Variants in CP observed in about 807,000 individuals in gnomAD.
The protein encoded by CP is ceruloplasmin, also known as caeruloplasmin.
A neutral mutation model predicts 122.4 loss-of-function variants in CP; 64 were observed. The ratio of observed to expected loss-of-function variants is 0.52; its 90% CI spans 0.43 to 0.64. The LOEUF (loss-of-function observed/expected upper bound fraction) is 0.64, where lower values mean the gene tolerates loss of function less well. Among genes scored for constraint, CP ranks in the 30% least tolerant of loss-of-function variants. CP has a pLI of 0.00. For missense variants in CP, 1,167 were observed against 1,284.4 expected (o/e 0.91, Z 1.40); for synonymous variants, 440 against 436.4 (o/e 1.01, Z -0.10).
chr3:149,177,956 T>G lies in CP; in HGVS notation c.2902A>C (p.Asn968His). The change falls in exon 17 of 19, where the codon AAC becomes CAC. Residue 968 changes from asparagine to histidine, a missense_variant. This residue lies in a region of CP where 525 missense variants were observed against 657.2 expected (regional missense o/e 0.80). Coordinates refer to ENST00000264613, the MANE Select transcript of CP (RefSeq NM_000096.4). Reference sequence around the variant, plus strand: ...ACGTGCATTGTGAGGCCTTGTAGGTTTCCAAACATTCTTCCATTAATAGCT... The same window carrying G: ...ACGTGCATTGTGAGGCCTTGTAGGTGTCCAAACATTCTTCCATTAATAGCT... The part of the protein sequence containing the change: ...MHAINGRMFG[N>H]LQGLTMHVGD... The G allele has an allele frequency of 1.9e-6, 3 of 1,613,646 alleles. No individual in the cohort carries two copies. The East Asian group carries it at 6.7e-5, about 36-fold the overall frequency.
At chr3:149,163,847 T>C (rs1456831339) in intron 5 of CP, 1 of 1,506,488 alleles carries the variant, frequency 6.6e-7, no homozygotes, top group African/African-American at 1.4e-5. Flanking sequence ...TTTAGATAAA[T>C]GCCTGTAGTC....
At position 149,176,430 on chromosome 3, in the gene CP, C is replaced by T. The variant is rs760498635; in HGVS notation, c.3019-18G>A. ...CCCCTGTGCTTAATTAGAAAAATGA[C>T]AAATAATGTATAATATTGTATATGA... On this transcript the variant is annotated intron_variant, in intron 17 of 18. Coordinates refer to ENST00000264613, the MANE Select transcript of CP (RefSeq NM_000096.4). The T allele has an allele frequency of 1.5e-5, 23 of 1,569,530 alleles. No individual in the cohort carries two copies. Among genetic ancestry groups the T allele is most frequent in the Non-Finnish European group, 1.9e-5 (22 of 1,139,726 alleles).
intron 9 of CP, among the ~76,000 whole-genome samples, chr3:149,194,858 AG>A (rs1726794402): frequency 6.6e-6 from 1 of 152,232 alleles, no homozygotes; most frequent in African/African-American, 2.4e-5. Flanking sequence ...AAGCAAAAAT[AG>A]CCATTAAAAT....
At chr3:149,188,998 A>G (rs959155536) in intron 9 of CP, among the ~76,000 whole-genome samples, 1 of 152,230 alleles carries the variant, frequency 6.6e-6, no homozygotes, top group African/African-American at 2.4e-5. Flanking sequence ...AACTGAAACT[A>G]TGATGAAGGG....
At chr3:149,209,682 A>G (rs909649195) in intron 3 of CP, among the ~76,000 whole-genome samples, 1 of 152,188 alleles carries the variant, frequency 6.6e-6, no homozygotes, top group African/African-American at 2.4e-5. Flanking sequence ...TCTGGTGCAT[A>G]TAGCCACAAA....
chr3:149,217,307 A>T (rs1430826804), intron 1 of CP, among the ~76,000 whole-genome samples: 1 of 152,206 alleles, frequency 6.6e-6, no homozygotes, highest in Non-Finnish European at 1.5e-5. Flanking sequence ...TCATTTAAAA[A>T]TTTAAAAATC....
At chr3:149,192,680 C>A (rs1426899388) in intron 9 of CP, among the ~76,000 whole-genome samples, 1 of 150,446 alleles carries the variant, frequency 6.6e-6, no homozygotes, top group Non-Finnish European at 1.5e-5. Flanking sequence ...TACACACACA[C>A]ACATATATAT....
At chr3:149,202,921 T>C (rs1340807009) in intron 6 of CP, among the ~76,000 whole-genome samples, 43 of 148,304 alleles carry the variant, frequency 2.9e-4, no homozygotes, top group Admixed American at 1.5e-3. Flanking sequence ...TTTTTTTTTT[T>C]TTTCAGGTGG....
chr3:149,208,544 T>C (rs1041028426), intron 4 of CP, among the ~76,000 whole-genome samples: 1 of 152,180 alleles, frequency 6.6e-6, no homozygotes, highest in Non-Finnish European at 1.5e-5. Context: ...TGAGTACAGG[T>C]TATTTTGAAG....
rs142503847 is a variant in CP at position 149,206,272 on chromosome 3, C to T, written c.1104G>A (p.Gly368=). The change falls in exon 6 of 19, where the codon GGG becomes GGA. Residue 368 remains glycine (G), a synonymous_variant. Coordinates refer to ENST00000264613, the MANE Select transcript of CP (RefSeq NM_000096.4). ...CAATGTAGTAGTGTCTAACATGCTT[C>T]CCACGGATATTATCCTTTGATGAAG... ...NKSSSKDNIR[G]KHVRHYYIAA... is the part of the protein sequence containing the mutation. The T allele has an allele frequency of 2.5e-6, 4 of 1,614,018 alleles. No homozygotes were observed. In the South Asian group the frequency reaches 3.3e-5, roughly 13 times the overall value.
In CP at chr3:149,178,674, C is replaced by T. The variant is rs374927078; in HGVS notation, c.2662-43G>A. ...CTTCAGTAACCCTTGTGAATTAGGT[C>T]AGGATTTCAGAGAACTGAGACTTTG... is the stretch of plus-strand genomic sequence containing the variant. On this transcript the variant is annotated intron_variant, in intron 15 of 18. Coordinates refer to ENST00000264613, the MANE Select transcript of CP (RefSeq NM_000096.4). 1.3e-5 allele frequency: 18 copies of T among 1,391,816 alleles called. 1 individual carries two copies. In the African/African-American group the frequency reaches 1.4e-4, roughly 11 times the overall value. The allele number at this position is 1,391,816 out of a possible 1,614,324, so 86.2% of individuals were successfully genotyped here.
Position 149,178,407 on chromosome 3 carries a change from T to C in CP, c.2878+8A>G, listed in dbSNP as rs773584093. 1.3e-5 allele frequency: 20 copies of C among 1,551,530 alleles called. No individual in the cohort carries two copies. Among genetic ancestry groups the C allele is most frequent in the Non-Finnish European group, 1.8e-5 (20 of 1,123,858 alleles). ...GTAGAAAAATTGTTTTAGAATAATGTGACATACCATGCATTTTATTGCTTT... is the reference window on the plus strand; with the variant it reads ...GTAGAAAAATTGTTTTAGAATAATGCGACATACCATGCATTTTATTGCTTT... On this transcript the variant is annotated splice_region_variant and intron_variant, in intron 16 of 18. Coordinates refer to ENST00000264613, the MANE Select transcript of CP (RefSeq NM_000096.4).
chr3:149,219,611 A>G (rs1487547565), intron 1 of CP, among the ~76,000 whole-genome samples: 66 of 141,352 alleles, frequency 4.7e-4, no homozygotes, highest in Middle Eastern at 5.4e-3. Context: ...GTGGAACTGT[A>G]AGTTCATTAA....
chr3:149,183,608 T>TAAA lies in CP; in HGVS notation c.2286-6_2286-4dup. On this transcript the variant is annotated splice_polypyrimidine_tract_variant and splice_region_variant and intron_variant, in intron 12 of 18. Coordinates refer to ENST00000264613, the MANE Select transcript of CP (RefSeq NM_000096.4). Reference sequence around the variant, plus strand: ...TATCTAAAAATGCATTTGAAACACTTAAAAAAAAAAACAACTAAGGTTAGT... The same window carrying TAAA: ...TATCTAAAAATGCATTTGAAACACTTAAAAAAAAAAAAAACAACTAAGGTTAGT... The TAAA allele has an allele frequency of 3.9e-6, 5 of 1,285,168 alleles. No individual in the cohort carries two copies. The highest frequency in any genetic ancestry group is 5.3e-6 in the Non-Finnish European group (5 of 951,634). The allele number at this position is 1,285,168 out of a possible 1,614,324, so 79.6% of individuals were successfully genotyped here.
downstream of CP, chr3:149,172,091 A>C: frequency 1.2e-6 from 2 of 1,612,800 alleles, no homozygotes; most frequent in Admixed American, 1.7e-5. Flanking sequence ...TCTTTTCTAC[A>C]CAGAAACATT....
chr3:149,171,029 C>G (rs1724929069), downstream of CP, among the ~76,000 whole-genome samples: 1 of 152,078 alleles, frequency 6.6e-6, no homozygotes, highest in East Asian at 1.9e-4. Context: ...CCGGTAATCC[C>G]AGTGCTTTGG....
In CP at chr3:149,212,706, GA is replaced by G. The variant is rs1442340236; in HGVS notation, c.147-9del. The G allele has an allele frequency of 6.2e-7, 1 of 1,612,352 alleles. No individual in the cohort carries two copies. The highest frequency in any genetic ancestry group is 1.3e-5 in the African/African-American group (1 of 74,860). ...TAGATATTGGAATGTTCCCTGCAAAGAAAAACAAGACAACTCTATCAGAAGC... is the reference window on the plus strand; with the variant it reads ...TAGATATTGGAATGTTCCCTGCAAAGAAAACAAGACAACTCTATCAGAAGC... On this transcript the variant is annotated splice_polypyrimidine_tract_variant and intron_variant, in intron 1 of 18. Coordinates refer to ENST00000264613, the MANE Select transcript of CP (RefSeq NM_000096.4).
intron 4 of CP, among the ~76,000 whole-genome samples, chr3:149,208,351 C>T (rs1727885180): frequency 6.6e-6 from 1 of 152,078 alleles, no homozygotes; most frequent in Admixed American, 6.6e-5. Flanking sequence ...CCTGCTCAGG[C>T]TAGAATTTTG....
At position 149,173,505 on chromosome 3, in the gene CP, G is replaced by A. The variant is rs926127413; in HGVS notation, c.*209C>T. 16 of 431,530 alleles carry A rather than the reference G, an allele frequency of 3.7e-5. No homozygotes were observed. The highest frequency in any genetic ancestry group is 3.1e-4 in the African/African-American group (15 of 48,812). 26.7% of individuals were successfully genotyped at this position (431,530 alleles called of 1,614,324 possible). A position where few individuals can be genotyped will look rare whatever the true frequency, so the allele number is the denominator to read the frequency against. The stretch of plus-strand genomic sequence containing the variant: ...CAGTTTTATTACCTAGTGTACAAGT[G>A]TCAGTCATGTATCATTATATAGTCT... On this transcript the variant is annotated 3_prime_UTR_variant, in exon 19 of 19. Transcript: ENST00000264613.
Sources: allele counts gnomAD v4.1 joint callset (sites outside exome capture counted in the v4.1 genomes callset), GRCh38; gene constraint gnomAD v4.1.1; regional missense constraint gnomAD v4.1.1; transcripts MANE v1.5; gene names NCBI Gene and HGNC (gene_info 2026-07-23, HGNC 2026-07-21).